The following FILIP1L variants were observed in gnomAD, a reference collection of about 807,000 sequenced individuals.
FILIP1L encodes filamin A interacting protein 1 like.
Under a neutral mutation model 96.6 loss-of-function variants are expected in FILIP1L, and 55 were observed. The ratio of observed to expected loss-of-function variants is 0.57; its 90% CI spans 0.46 to 0.71. FILIP1L has a LOEUF of 0.71. Ranked by LOEUF, FILIP1L falls within the 30% of genes least tolerant of loss-of-function variation. FILIP1L has a pLI of 0.00. For missense variants in FILIP1L, 1,304 were observed against 1,321.2 expected, an observed-to-expected ratio of 0.99 and a Z score of 0.20; for synonymous variants, 467 against 473.9, an observed-to-expected ratio of 0.99 and a Z score of 0.19.
At chr3:99,936,334 T>C (rs913122207) in intron 1 of FILIP1L, among the ~76,000 whole-genome samples, 15 of 150,038 alleles carry the variant, frequency 1.0e-4, no homozygotes, top group African/African-American at 3.7e-4. Flanking sequence ...GATTAACTCA[T>C]TTATTTTGCA....
At chr3:99,923,142 TGCCAA>T (rs1484551721) in intron 4 of FILIP1L, among the ~76,000 whole-genome samples, 1 of 152,060 alleles carries the variant, frequency 6.6e-6, no homozygotes, top group Non-Finnish European at 1.5e-5. Context: ...TCCAGAAAAC[TGCCAA>T]GCCTTGATGT....
At chr3:99,879,322 A>G (rs900841218) in intron 4 of FILIP1L, among the ~76,000 whole-genome samples, 7 of 152,240 alleles carry the variant, frequency 4.6e-5, no homozygotes, top group Admixed American at 2.6e-4. Flanking sequence ...TAATATCACC[A>G]GTTTCCCTGG....
chr3:100,007,135 A>G (rs1038163466), intron 1 of FILIP1L, among the ~76,000 whole-genome samples: 6 of 152,106 alleles, frequency 3.9e-5, no homozygotes, highest in Non-Finnish European at 5.9e-5. Flanking sequence ...CCTATTGGTA[A>G]ATGTTTGAAA....
intron 4 of FILIP1L, among the ~76,000 whole-genome samples, chr3:99,876,384 G>A (rs1045421283): frequency 1.6e-5 from 2 of 126,570 alleles, no homozygotes; most frequent in Admixed American, 7.4e-5. Context: ...GGGAATGAGT[G>A]GTGGGCCGGT....
chr3:100,079,602 T>C (rs944569957), intron 1 of FILIP1L, among the ~76,000 whole-genome samples: 1 of 152,208 alleles, frequency 6.6e-6, no homozygotes, highest in Non-Finnish European at 1.5e-5. Context: ...TTAAAAATCT[T>C]TGTAAGGGTG....
At chr3:100,022,544 C>G (rs2064845024) in intron 1 of FILIP1L, among the ~76,000 whole-genome samples, 1 of 152,172 alleles carries the variant, frequency 6.6e-6, no homozygotes, top group Non-Finnish European at 1.5e-5. Context: ...TATTCAAAGA[C>G]AGTTTCAGAC....
At chr3:100,084,609 C>T (rs988190522) in intron 1 of FILIP1L, among the ~76,000 whole-genome samples, 1 of 152,134 alleles carries the variant, frequency 6.6e-6, no homozygotes, top group Admixed American at 6.5e-5. Context: ...TAAAGAGGAA[C>T]TGATGTGGTT....
At chr3:99,895,153 A>G (rs1706207642) in intron 4 of FILIP1L, among the ~76,000 whole-genome samples, 1 of 152,120 alleles carries the variant, frequency 6.6e-6, no homozygotes, top group Admixed American at 6.5e-5. Flanking sequence ...TTCATAACCC[A>G]GAGAATGCTT....
intron 1 of FILIP1L, among the ~76,000 whole-genome samples, chr3:99,955,075 A>T (rs1372037311): frequency 6.6e-6 from 1 of 152,208 alleles, no homozygotes; most frequent in Non-Finnish European, 1.5e-5. Flanking sequence ...AAATTAGATC[A>T]AGTGCTGGGT....
chr3:100,001,912 G>A (rs956969365), intron 1 of FILIP1L, among the ~76,000 whole-genome samples: 3 of 152,146 alleles, frequency 2.0e-5, no homozygotes, highest in South Asian at 2.1e-4. Context: ...GACCCAACAC[G>A]GTGTCGCCTA....
intron 1 of FILIP1L, among the ~76,000 whole-genome samples, chr3:100,020,760 C>CTTTTTTTTTTTTTTTTTTTTTTTT (rs34665880): frequency 1.4e-5 from 1 of 70,994 alleles, no homozygotes; most frequent in Non-Finnish European, 2.4e-5. Flanking sequence ...GAATAATTAG[C>CTTTTTTTTTTTTTTTTTTTTTTTT]TTTTTTTTTT....
intron 1 of FILIP1L, among the ~76,000 whole-genome samples, chr3:100,083,335 C>T (rs771911886): frequency 6.6e-6 from 1 of 152,186 alleles, no homozygotes; most frequent in East Asian, 1.9e-4. Flanking sequence ...TAGCCCTTAA[C>T]GTATGTTGTG....
chr3:100,029,951 G>C (rs1405395283), intron 1 of FILIP1L, among the ~76,000 whole-genome samples: 1 of 152,162 alleles, frequency 6.6e-6, no homozygotes, highest in East Asian at 1.9e-4. Flanking sequence ...GGTGTGACAT[G>C]AGTGAGGACT....
chr3:100,040,781 A>T (rs1297086035), intron 1 of FILIP1L: 1 of 152,238 alleles, frequency 6.6e-6, no homozygotes, highest in Non-Finnish European at 1.5e-5. Context: ...CTCTTTTCCC[A>T]TCACAGCCAA....
At position 100,000,021 on chromosome 3, in the gene FILIP1L, C is replaced by G. The variant is rs539938173; in HGVS notation, c.-10-68991G>C. On this transcript the variant is annotated intron_variant, in intron 1 of 5. Coordinates refer to ENST00000477258, the MANE Select transcript of FILIP1L (RefSeq NM_001387850.1). ...AGAAAAGAAATACCAGACTCCACCT[C>G]CAGAGTCTTATTTGCCTGTAATGGG... Among the ~76,000 whole-genome samples the G allele has an allele frequency of 2.0e-5, 3 of 152,308 alleles. No homozygotes were observed. In the East Asian group the frequency reaches 5.8e-4, roughly 29 times the overall value.
At chr3:99,917,483 A>G (rs1433813781) in intron 4 of FILIP1L, among the ~76,000 whole-genome samples, 2 of 152,148 alleles carry the variant, frequency 1.3e-5, no homozygotes, top group Non-Finnish European at 2.9e-5. Flanking sequence ...CTCTGCAACT[A>G]TTTAGCTGGA....
intron 1 of FILIP1L, among the ~76,000 whole-genome samples, chr3:99,932,208 G>A (rs1465462930): frequency 1.3e-5 from 2 of 151,952 alleles, no homozygotes; most frequent in African/African-American, 2.4e-5. Flanking sequence ...AAGTAACCAC[G>A]TAATCTTGAA....
chr3:99,972,964 T>G (rs1708865651), intron 1 of FILIP1L, among the ~76,000 whole-genome samples: 1 of 152,180 alleles, frequency 6.6e-6, no homozygotes, highest in Admixed American at 6.5e-5. Context: ...CTTCACACCT[T>G]TGGCAATAAA....
intron 1 of FILIP1L, among the ~76,000 whole-genome samples, chr3:99,967,511 T>C (rs1708689285): frequency 6.6e-6 from 1 of 152,208 alleles, no homozygotes; most frequent in Admixed American, 6.5e-5. Context: ...TTTGTTCCAC[T>C]AAGAGTCCCC....
Sources: gnomAD v4.1 joint callset for allele counts (sites outside exome capture counted in the v4.1 genomes callset) on GRCh38, gnomAD v4.1.1 for gene constraint, MANE v1.5 for transcripts, NCBI Gene and HGNC (gene_info 2026-07-23, HGNC 2026-07-21) for gene names.